Variants in FREM1 observed in about 807,000 individuals in gnomAD.
FREM1 encodes FRAS1 related extracellular matrix 1, also known as FRAS1-related extracellular matrix protein 1.
FREM1 carries 220 observed loss-of-function variants against 210.1 expected under a neutral mutation model. The ratio of observed to expected loss-of-function variants is 1.05; its 90% confidence interval spans 0.94 to 1.17. The LOEUF is 1.17. Ranked by LOEUF, FREM1 falls within the 50% of genes most tolerant of loss-of-function variation. FREM1 has a pLI of 0.00. For missense variants in FREM1, 3,454 were observed against 2,675.5 expected (o/e 1.29, Z -6.42); for synonymous variants, 1,189 against 980.2 (o/e 1.21, Z -3.98).
chr9:14,770,509 T>C, intron 26 of FREM1, 96 bp downstream of exon 26: 1 of 874,820 alleles, frequency 1.1e-6, no homozygotes, highest in Non-Finnish European at 1.9e-6. Context: ...GGGGAGTGTT[T>C]ACCAAATGGG....
chr9:14,798,461 T>C (rs530684743), intron 20 of FREM1, among the ~76,000 whole-genome samples: 1 of 151,996 alleles, frequency 6.6e-6, no homozygotes, highest in East Asian at 1.9e-4. Context: ...AATTTTTTTT[T>C]TGAAACACTA....
At chr9:14,809,635 T>C (rs762999094) in intron 16 of FREM1, among the ~76,000 whole-genome samples, 2 of 152,218 alleles carry the variant, frequency 1.3e-5, no homozygotes, top group African/African-American at 4.8e-5. Context: ...CACCTATTCA[T>C]ATATCTAAAA....
At position 14,737,575 on chromosome 9, in the gene FREM1, C is replaced by G; in HGVS notation, c.6361G>C (p.Ala2121Pro). The stretch of plus-strand genomic sequence containing the variant: ...CCACCGATCCACTCCCAGTGGCCAG[C>G]ATGCACTTGGTCGTTCAAACCTAAT... ...FWIGLNDQVHAGHWEWIGGEP... is the reference protein window; with the variant it reads ...FWIGLNDQVHPGHWEWIGGEP... The change falls in exon 37 of 37, where the codon GCT becomes CCT. Residue 2121 changes from alanine to proline, a missense_variant. Coordinates refer to ENST00000380880, the MANE Select transcript of FREM1 (RefSeq NM_001379081.2). 1 of 1,583,884 alleles carries G rather than the reference C, an allele frequency of 6.3e-7. No individual in the cohort carries two copies. Among genetic ancestry groups the G allele is most frequent in the Non-Finnish European group, 8.6e-7 (1 of 1,165,554 alleles).
chr9:14,826,844 GGCACCATCTTGAAAGCAGAGA>G (rs1339768462), intron 10 of FREM1, among the ~76,000 whole-genome samples: 2 of 152,166 alleles, frequency 1.3e-5, no homozygotes, highest in African/African-American at 4.8e-5. Context: ...ACAGCAACGA[GGCACCATCTTGAAAGCAGAGA>G]GCAGCCCTCA....
At chr9:14,832,228 G>A (rs1050290102) in intron 10 of FREM1, among the ~76,000 whole-genome samples, 1 of 152,192 alleles carries the variant, frequency 6.6e-6, no homozygotes, top group African/African-American at 2.4e-5. Context: ...CTTATTTGGG[G>A]CCCCTTCAAG....
In FREM1 at chr9:14,770,621, C is replaced by T. The variant is rs757536672; in HGVS notation, c.5043G>A (p.Leu1681=). ...GGCCAGTACCTGTTGTTGTGTTCTC[C>T]AGATGTCCATGTTTTGGGCCTTGTA... ...KILQGPKHGH[L]ENTTTGEFIH... Residue 1681 remains leucine, a synonymous_variant, in exon 26 of 37, where the codon CTG becomes CTA. Coordinates refer to ENST00000380880, the MANE Select transcript of FREM1 (RefSeq NM_001379081.2). 24 of 1,612,650 alleles carry T rather than the reference C, an allele frequency of 1.5e-5. No homozygotes were observed. The highest frequency in any genetic ancestry group is 2.0e-5 in the Non-Finnish European group (24 of 1,178,990).
At chr9:14,842,927 G>A (rs973700047) in intron 8 of FREM1, among the ~76,000 whole-genome samples, 12 of 152,166 alleles carry the variant, frequency 7.9e-5, no homozygotes, top group Admixed American at 7.2e-4. Context: ...CTACTGTGAT[G>A]GTTTTAACTT....
chr9:14,825,006 G>C lies in FREM1; in HGVS notation c.1882-14C>G, dbSNP rs201311456. ...GATTGTTGCCACCTGGAATAAAAAT[G>C]TCTGTACCATTAATTTGAAATACCA... On this transcript the variant is annotated splice_polypyrimidine_tract_variant and intron_variant, in intron 10 of 36. Coordinates refer to ENST00000380880, the MANE Select transcript of FREM1 (RefSeq NM_001379081.2). The C allele has an allele frequency of 1.9e-5, 30 of 1,549,500 alleles. No individual in the cohort carries two copies. Among genetic ancestry groups the C allele is most frequent in the Non-Finnish European group, 2.3e-5 (26 of 1,154,282 alleles).
intron 1 of FREM1, among the ~76,000 whole-genome samples, chr9:14,879,871 G>C (rs1834477578): frequency 6.6e-6 from 1 of 152,140 alleles, no homozygotes; most frequent in Admixed American, 6.5e-5. Context: ...TTGTTGGTAG[G>C]TACAATATGA....
chr9:14,884,222 C>T (rs879657351), intron 1 of FREM1, among the ~76,000 whole-genome samples: 12 of 151,944 alleles, frequency 7.9e-5, no homozygotes, highest in Non-Finnish European at 1.3e-4. Context: ...GAGCGAGACT[C>T]CATCTCAAAA....
chr9:14,910,707 A>G (rs1327125529), upstream of FREM1: 1 of 152,382 alleles, frequency 6.6e-6, no homozygotes, highest in African/African-American at 2.4e-5. Context: ...CTCCACACAC[A>G]CACGGGGGCA....
At chr9:14,767,169 C>T (rs527753728) in intron 27 of FREM1, among the ~76,000 whole-genome samples, 7 of 152,160 alleles carry the variant, frequency 4.6e-5, no homozygotes, top group African/African-American at 1.4e-4. Context: ...GCTCCAAGTT[C>T]GGTGGTTTAT....
intron 1 of FREM1, among the ~76,000 whole-genome samples, chr9:14,902,694 C>T (rs1384121937): frequency 6.6e-6 from 1 of 152,132 alleles, no homozygotes; most frequent in Non-Finnish European, 1.5e-5. Context: ...AAATTGGTTC[C>T]ATCTGAGGTT....
chr9:14,798,873 C>T (rs1025323095), intron 20 of FREM1, among the ~76,000 whole-genome samples: 5 of 152,136 alleles, frequency 3.3e-5, no homozygotes, highest in African/African-American at 1.2e-4. Context: ...TGGGTTTTGC[C>T]ATGTTGGCCA....
chr9:14,863,760 A>T lies in FREM1; in HGVS notation c.329+49T>A, dbSNP rs777397533. 4 of 1,136,580 alleles carry T rather than the reference A, an allele frequency of 3.5e-6. No homozygotes were observed. In the African/African-American group the frequency reaches 4.6e-5, roughly 13 times the overall value. The allele number at this position is 1,136,580 out of a possible 1,614,324, so 70.4% of individuals were successfully genotyped here. On this transcript the variant is annotated intron_variant, in intron 3 of 36. Transcript: ENST00000380880. ...CCACAAGAAAAGCCCTCATAAGAAC[A>T]CAGAATGGTTACTTGGCAGCAAATG...
intron 1 of FREM1, among the ~76,000 whole-genome samples, chr9:14,874,011 C>G (rs142310211): frequency 0.025 from 3,833 of 152,142 alleles, 136 homozygotes; most frequent in African/African-American, 0.078. Flanking sequence ...GTTCTAGTTT[C>G]ATTGCACTGT....
intron 35 of FREM1, 115 bp downstream of exon 35, chr9:14,746,238 C>T: frequency 2.8e-6 from 2 of 706,968 alleles, no homozygotes; most frequent in Non-Finnish European, 2.4e-6. Context: ...CAAAGCCAGG[C>T]AGATATTAGG....
chr9:14,903,291 T>C (rs928132357), intron 1 of FREM1, among the ~76,000 whole-genome samples: 1 of 152,048 alleles, frequency 6.6e-6, no homozygotes, highest in Non-Finnish European at 1.5e-5. Flanking sequence ...ATTCTTAAGA[T>C]GAAGAAAATA....
chr9:14,811,710 A>G (rs1819440904), intron 16 of FREM1, among the ~76,000 whole-genome samples: 1 of 152,200 alleles, frequency 6.6e-6, no homozygotes, highest in Non-Finnish European at 1.5e-5. Context: ...TAGGACAAAT[A>G]TTATTTCAGA....
Sources: gnomAD v4.1 joint callset for allele counts (sites outside exome capture counted in the v4.1 genomes callset) on GRCh38, gnomAD v4.1.1 for gene constraint, MANE v1.5 for transcripts, NCBI Gene and HGNC (gene_info 2026-07-23, HGNC 2026-07-21) for gene names.